Variants in PSMA6 observed in about 807,000 individuals in gnomAD.
PSMA6 encodes proteasome subunit alpha type-6.
For synonymous variants in PSMA6, 88 were observed against 97.7 expected (o/e 0.90, Z 0.59); for missense variants, 170 against 294.8 (o/e 0.58, Z 3.10).
chr14:35,302,354 C>A (rs967194504), intron 1 of PSMA6, among the ~76,000 whole-genome samples: 3 of 152,226 alleles, frequency 2.0e-5, no homozygotes, highest in Admixed American at 2.0e-4. Flanking sequence ...TGAGCCATCA[C>A]ACACAGCCAG....
At chr14:35,282,165 A>G (rs758200496) in intron 1 of PSMA6, among the ~76,000 whole-genome samples, 1 of 152,246 alleles carries the variant, frequency 6.6e-6, no homozygotes, top group African/African-American at 2.4e-5. Context: ...CAGCTTATTC[A>G]TAATAGTGTA....
chr14:35,295,704 G>A (rs761906715), intron 1 of PSMA6, among the ~76,000 whole-genome samples: 1 of 152,052 alleles, frequency 6.6e-6, no homozygotes, highest in East Asian at 1.9e-4. Flanking sequence ...CACCCACCTC[G>A]GCCTCCCAAA....
upstream of PSMA6, among the ~76,000 whole-genome samples, chr14:35,288,638 G>A (rs577136775): frequency 1.5e-4 from 23 of 152,326 alleles, no homozygotes; most frequent in Admixed American, 1.4e-3. Context: ...GTATCCTTTA[G>A]AGTATTAAAA....
intron 1 of PSMA6, among the ~76,000 whole-genome samples, chr14:35,296,915 C>G (rs1422829199): frequency 2.0e-5 from 3 of 151,776 alleles, no homozygotes; most frequent in Non-Finnish European, 2.9e-5. Context: ...GGATCAAATA[C>G]TGCTGTATTT....
At chr14:35,291,823 C>CAAA (rs113987343), upstream of PSMA6, among the ~76,000 whole-genome samples, 35 of 47,650 alleles carry the variant, frequency 7.3e-4, no homozygotes, top group African/African-American at 1.9e-3. Flanking sequence ...AACTCTGTCT[C>CAAA]AAAAAAAAAA....
At chr14:35,302,691 C>G (rs903270299) in intron 1 of PSMA6, among the ~76,000 whole-genome samples, 2 of 152,026 alleles carry the variant, frequency 1.3e-5, no homozygotes, top group South Asian at 2.1e-4. Context: ...CCCACAGATT[C>G]GTTGTTTTTT....
chr14:35,282,663 A>G (rs1244876981), intron 1 of PSMA6, among the ~76,000 whole-genome samples: 1 of 152,002 alleles, frequency 6.6e-6, no homozygotes, highest in Non-Finnish European at 1.5e-5. Context: ...CCAGCCTGGG[A>G]AGCATGGTGA....
chr14:35,299,327 C>CTTTGTTTTTTTTTTTT (rs2051663234), intron 1 of PSMA6, among the ~76,000 whole-genome samples: 1 of 66,008 alleles, frequency 1.5e-5, no homozygotes, highest in Non-Finnish European at 2.8e-5. Flanking sequence ...TGCCCAGCCT[C>CTTTGTTTTTTTTTTTT]TTTTTTTTTT....
At position 35,285,339 on chromosome 14, in the gene PSMA6, C is replaced by CAAAAAA. The variant is rs758651038; in HGVS notation, c.19+6624_19+6629dup. 2.6e-3 allele frequency among the ~76,000 whole-genome samples: 144 copies of CAAAAAA among 54,498 alleles called. 2 individuals are homozygous for CAAAAAA. In the East Asian group the frequency reaches 0.062, roughly 23 times the overall value. 35.8% of individuals were successfully genotyped at this position (54,498 alleles called of 152,430 possible). ...AGAGTGACAGAGCAAAACTCTATCT[C>CAAAAAA]AAAAAAAACAAAAAACAAAAAAAAA... is the stretch of plus-strand genomic sequence containing the variant. On this transcript the variant is annotated intron_variant, in intron 1 of 6. Coordinates refer to the PSMA6 transcript ENST00000540871.
chr14:35,308,703 C>A, intron 2 of PSMA6: 1 of 458,520 alleles, frequency 2.2e-6, no homozygotes, highest in Non-Finnish European at 3.9e-6. Flanking sequence ...GGAAAAGTAT[C>A]ATCTAGAAAA....
intron 1 of PSMA6, among the ~76,000 whole-genome samples, chr14:35,279,643 A>C (rs948304162): frequency 6.6e-6 from 1 of 152,208 alleles, no homozygotes; most frequent in African/African-American, 2.4e-5. Flanking sequence ...CCAACTCCTA[A>C]AGAAATAAAC....
upstream of PSMA6, chr14:35,292,224 C>T (rs4981282): frequency 5.0e-3 from 5,552 of 1,119,724 alleles, 190 homozygotes; most frequent in African/African-American, 0.074. Context: ...CGTCTATCCA[C>T]TCAAGAGGCC....
chr14:35,294,860 C>T (rs967384970), intron 1 of PSMA6, among the ~76,000 whole-genome samples: 6 of 151,876 alleles, frequency 4.0e-5, no homozygotes, highest in Non-Finnish European at 8.8e-5. Flanking sequence ...AAAGACAAAG[C>T]ATGGAAGGAT....
intron 5 of PSMA6, 108 bp from the exon 6 acceptor site, chr14:35,314,253 T>G (rs1198477942): frequency 1.6e-6 from 2 of 1,263,772 alleles, no homozygotes; most frequent in Non-Finnish European, 2.1e-6. Context: ...AACTACCTCA[T>G]TGAAACATGG....
At chr14:35,306,226 C>G (rs2051824432) in intron 1 of PSMA6, among the ~76,000 whole-genome samples, 1 of 151,632 alleles carries the variant, frequency 6.6e-6, no homozygotes, top group Non-Finnish European at 1.5e-5. Flanking sequence ...AAGACCCTAT[C>G]TCAAAACCCA....
intron 3 of PSMA6, among the ~76,000 whole-genome samples, 159 bp from the exon 4 acceptor site, chr14:35,310,581 G>A (rs1469839685): frequency 6.6e-6 from 1 of 152,138 alleles, no homozygotes; most frequent in Non-Finnish European, 1.5e-5. Context: ...TTGTTGATGA[G>A]TTATTTAGTA....
At chr14:35,294,228 C>T (rs2051539465) in intron 1 of PSMA6, among the ~76,000 whole-genome samples, 1 of 151,908 alleles carries the variant, frequency 6.6e-6, no homozygotes, top group Admixed American at 6.6e-5. Flanking sequence ...TTAGTAGAGA[C>T]GAGGTTTCTC....
In PSMA6 at chr14:35,308,958, A is replaced by T; in HGVS notation, c.216A>T (p.Ile72=). ...DSSTVTHLFK[I]TENIGCVMTG... is the part of the protein sequence containing the mutation. ...GCACAGTGACTCACTTATTCAAGAT[A>T]ACTGAAAACATTGGTTGTGTGATGA... The change falls in exon 3 of 7, where the codon ATA becomes ATT. Residue 72 remains isoleucine (I), a synonymous_variant. Transcript: ENST00000261479. The T allele has an allele frequency of 6.2e-7, 1 of 1,610,726 alleles. No individual in the cohort carries two copies.
Position 35,317,466 on chromosome 14 carries a change from G to A in PSMA6, c.*160G>A. On this transcript the variant is annotated 3_prime_UTR_variant, in exon 7 of 7. Transcript: ENST00000261479. ...CTATATAAATAAAAACAAGGCTTTT[G>A]GAAAATAATTGCATCCTGTTGTTTT... The A allele has an allele frequency of 5.2e-6, 3 of 573,080 alleles. No individual in the cohort carries two copies. Among genetic ancestry groups the A allele is most frequent in the East Asian group, 2.8e-5 (1 of 35,588 alleles). 35.5% of individuals were successfully genotyped at this position (573,080 alleles called of 1,614,324 possible). A position where few individuals can be genotyped will look rare whatever the true frequency, so the allele number is the denominator to read the frequency against.
Sources: allele counts gnomAD v4.1 joint callset (sites outside exome capture counted in the v4.1 genomes callset), GRCh38; gene constraint gnomAD v4.1.1; transcripts MANE v1.5; gene names NCBI Gene and HGNC (gene_info 2026-07-23, HGNC 2026-07-21).